RFLNA: variants seen among roughly 807,000 people sequenced by gnomAD.
The protein encoded by RFLNA is refilin-A.
Under a neutral mutation model 7.8 loss-of-function variants are expected in RFLNA, and 5 were observed. The ratio of observed to expected loss-of-function variants is 0.64; its 90% CI spans 0.34 to 1.35. The LOEUF (loss-of-function observed/expected upper bound fraction) is 1.35, where lower values mean the gene tolerates loss of function less well. Among genes scored for constraint, RFLNA ranks in the 40% most tolerant of loss-of-function variants. RFLNA has a pLI of 0.04. For synonymous variants in RFLNA, 141 were observed against 131.3 expected (o/e 1.07, Z -0.50); for missense variants, 278 against 305.5 (o/e 0.91, Z 0.67).
chr12:124,308,245 G>GGGCC (rs1384872380), intron 1 of RFLNA, among the ~76,000 whole-genome samples: 2 of 152,228 alleles, frequency 1.3e-5, no homozygotes, highest in African/African-American at 4.8e-5. Flanking sequence ...GCCTCCCAAA[G>GGGCC]TGCTAGGATT....
chr12:124,315,708 A>G lies in RFLNA; in HGVS notation c.*1183A>G, dbSNP rs2034338914. On this transcript the variant is annotated 3_prime_UTR_variant, in exon 3 of 3. Transcript: ENST00000546355. ...CTGAACAAACACCCCAGAAGCCAGC[A>G]CTGTGGCAGGGTGCTGGGGAGATGC... 1 of 152,242 alleles carries G rather than the reference A, an allele frequency of 6.6e-6. No individual in the cohort carries two copies. The highest frequency in any genetic ancestry group is 1.5e-5 in the Non-Finnish European group (1 of 68,080). The allele number at this position is 152,242 out of a possible 1,614,324, so 9.4% of individuals were successfully genotyped here.
Position 124,311,847 on chromosome 12 carries a change from G to A in RFLNA, c.237G>A (p.Ala79=), listed in dbSNP as rs201488470. 8.1e-5 allele frequency: 130 copies of A among 1,598,426 alleles called. No individual in the cohort carries two copies. Among genetic ancestry groups the A allele is most frequent in the South Asian group, 1.5e-4 (13 of 89,270 alleles). ...APPSQLPNPP[A]SEMRPRMLPV... is the part of the protein sequence containing the mutation. ...CCTCCCAACTCCCAAATCCCCCGGC[G>A]TCGGAGATGAGGCCCCGGATGCTGC... Residue 79 remains alanine, a synonymous_variant, in exon 2 of 3, where the codon GCG becomes GCA. Transcript: ENST00000546355.
intron 1 of RFLNA, among the ~76,000 whole-genome samples, chr12:124,310,070 G>C (rs1446042060): frequency 6.6e-6 from 1 of 150,772 alleles, no homozygotes; most frequent in Non-Finnish European, 1.5e-5. Flanking sequence ...CTATGTGGGA[G>C]GCTGGGGTGG....
intron 2 of RFLNA, among the ~76,000 whole-genome samples, chr12:124,312,168 C>G (rs942669687): frequency 1.2e-4 from 19 of 152,154 alleles, no homozygotes; most frequent in African/African-American, 4.3e-4. Context: ...CCCACGCCCC[C>G]ACCCCAGGTC....
chr12:124,302,106 C>T (rs2034048559), intron 1 of RFLNA, among the ~76,000 whole-genome samples: 1 of 152,192 alleles, frequency 6.6e-6, no homozygotes, highest in Non-Finnish European at 1.5e-5. Flanking sequence ...CTTAGAAAGA[C>T]ACCAGTCCTT....
chr12:124,306,479 G>C lies in RFLNA; in HGVS notation c.208-5339G>C, dbSNP rs2135686226. On this transcript the variant is annotated intron_variant, in intron 1 of 2. Transcript: ENST00000546355. The surrounding 1 kb of genome is among the most constrained non-coding windows in gnomAD (Gnocchi z 5.2). ...CTTGAGCCTGTGTCGGGGGAGCCTG[G>C]AGCTGAGGGGGCAGCGATGAGACAG... 6.6e-6 allele frequency among the ~76,000 whole-genome samples: 1 copy of C among 152,186 alleles called. No individual in the cohort carries two copies. The highest frequency in any genetic ancestry group is 1.9e-4 in the East Asian group (1 of 5,148).
At chr12:124,292,148 A>G (rs536314790), upstream of RFLNA, among the ~76,000 whole-genome samples, 5 of 152,166 alleles carry the variant, frequency 3.3e-5, no homozygotes, top group African/African-American at 4.8e-5. Flanking sequence ...GGAACTTTGG[A>G]AGCGATTTGG....
chr12:124,314,294 A>G lies in RFLNA; in HGVS notation c.420A>G (p.Ala140=). The change falls in exon 3 of 3, where the codon GCA becomes GCG. Residue 140 remains alanine (A), a synonymous_variant. Transcript: ENST00000546355. ...TVTAYSETIV[A]APNCTWRNYR... Reference sequence around the variant, plus strand: ...CGGCCTACAGCGAGACCATCGTGGCAGCACCCAACTGCACGTGGCGCAACT... The same window carrying G: ...CGGCCTACAGCGAGACCATCGTGGCGGCACCCAACTGCACGTGGCGCAACT... 1 of 1,613,488 alleles carries G rather than the reference A, an allele frequency of 6.2e-7. No individual in the cohort carries two copies.
intron 2 of RFLNA, among the ~76,000 whole-genome samples, chr12:124,313,972 G>C (rs116827239): frequency 0.022 from 3,335 of 152,256 alleles, 129 homozygotes; most frequent in African/African-American, 0.076. Context: ...TCCAGTCAGG[G>C]TCCTTCATTG....
rs1056522852 is a variant in RFLNA, at chr12:124,290,025, G to A, written c.-37+655G>A. Among the ~76,000 whole-genome samples, 2 of 152,100 alleles carry A rather than the reference G, an allele frequency of 1.3e-5. No individual in the cohort carries two copies. The highest frequency in any genetic ancestry group is 1.9e-4 in the East Asian group (1 of 5,200). The stretch of plus-strand genomic sequence containing the variant: ...AGCCACTCTTCTTGCCTCTGTTCTC[G>A]CCGCCCCTTTGAACTCCTCCACTTC... On this transcript the variant is annotated intron_variant, in intron 1 of 2. Coordinates refer to the RFLNA transcript ENST00000324038. This position sits in a 1 kb window ranked among gnomAD's most constrained non-coding sequence, Gnocchi z 4.0.
At chr12:124,295,742 T>C in intron 1 of RFLNA, 106 bp downstream of exon 1, 1 of 1,104,082 alleles carries the variant, frequency 9.1e-7, no homozygotes, top group Non-Finnish European at 1.1e-6. Context: ...CCTCCTCCTC[T>C]ACCTGCCCCG....
rs1038670488 is a variant in RFLNA at position 124,295,401 on chromosome 12, G to C, written c.-29G>C. The C allele has an allele frequency of 3.4e-6, 4 of 1,190,264 alleles. No individual in the cohort carries two copies. The highest frequency in any genetic ancestry group is 2.1e-6 in the Non-Finnish European group (2 of 951,406). 73.7% of individuals were successfully genotyped at this position (1,190,264 alleles called of 1,614,324 possible). A position where few individuals can be genotyped will look rare whatever the true frequency, so the allele number is the denominator to read the frequency against. The stretch of plus-strand genomic sequence containing the variant: ...GCGGTGGAGAAGCCCCCGGAGGAGC[G>C]GGGGGCCCGCGCCCCGCGCCCCCCA... On this transcript the variant is annotated 5_prime_UTR_variant, in exon 1 of 3. Transcript: ENST00000546355.
At chr12:124,313,997 G>T (rs1404674951) in intron 2 of RFLNA, among the ~76,000 whole-genome samples, 195 bp from the exon 3 acceptor site, 1 of 152,016 alleles carries the variant, frequency 6.6e-6, no homozygotes, top group Admixed American at 6.6e-5. Context: ...TAGCTGTCTC[G>T]CCTCTTTAGT....
At chr12:124,312,852 G>A (rs1056564179) in intron 2 of RFLNA, among the ~76,000 whole-genome samples, 1 of 152,120 alleles carries the variant, frequency 6.6e-6, no homozygotes, top group African/African-American at 2.4e-5. Context: ...ACCCCTGCTT[G>A]GGAACATCCC....
upstream of RFLNA, among the ~76,000 whole-genome samples, chr12:124,293,480 G>A (rs1206470508): frequency 6.6e-6 from 1 of 151,338 alleles, no homozygotes; most frequent in South Asian, 2.1e-4. Flanking sequence ...TCCCCCCACC[G>A]CTTTCGTCCT....
At chr12:124,298,946 C>T (rs775309406) in intron 1 of RFLNA, among the ~76,000 whole-genome samples, 1 of 152,220 alleles carries the variant, frequency 6.6e-6, no homozygotes, top group Non-Finnish European at 1.5e-5. Context: ...CACTAAAGAA[C>T]TTATGCATGT....
intron 1 of RFLNA, among the ~76,000 whole-genome samples, chr12:124,301,204 G>A (rs941232510): frequency 2.6e-5 from 4 of 152,272 alleles, no homozygotes; most frequent in Admixed American, 6.5e-5. Context: ...GAAGCCCTGC[G>A]CCTCCTTCCA....
At chr12:124,304,945 G>T (rs375096540) in intron 1 of RFLNA, among the ~76,000 whole-genome samples, 1 of 152,188 alleles carries the variant, frequency 6.6e-6, no homozygotes, top group East Asian at 1.9e-4. Flanking sequence ...ACACCTGCAC[G>T]CACTTGGGAA....
At position 124,298,998 on chromosome 12, in the gene RFLNA, G is replaced by A. The variant is rs561387154; in HGVS notation, c.207+3362G>A. Reference sequence around the variant, plus strand: ...GAGCCACAAAGAGGCAGGGACCACCGGAGGGCCGGGAGAGGCCAGGTCAGT... The same window carrying A: ...GAGCCACAAAGAGGCAGGGACCACCAGAGGGCCGGGAGAGGCCAGGTCAGT... On this transcript the variant is annotated intron_variant, in intron 1 of 2. Coordinates refer to ENST00000546355, the MANE Select transcript of RFLNA (RefSeq NM_001365156.1). 1.9e-4 allele frequency among the ~76,000 whole-genome samples: 29 copies of A among 152,244 alleles called. 1 individual carries two copies. Among genetic ancestry groups the A allele is most frequent in the African/African-American group, 5.8e-4 (24 of 41,466 alleles).
Sources: gnomAD v4.1 joint callset for allele counts (sites outside exome capture counted in the v4.1 genomes callset) on GRCh38, gnomAD v4.1.1 for gene constraint, Gnocchi (gnomAD v3.1) non-coding constraint, MANE v1.5 for transcripts, NCBI Gene and HGNC (gene_info 2026-07-23, HGNC 2026-07-21) for gene names.